The following CUX1 variants were observed in gnomAD, a reference collection of about 807,000 sequenced individuals.
The protein encoded by CUX1 is cut like homeobox 1, also known as protein CASP.
CUX1 carries 31 observed loss-of-function variants against 158.8 expected under a neutral mutation model. The observed-to-expected ratio is 0.20, with a 90% CI of 0.15 to 0.26. CUX1 has a LOEUF of 0.26. Among genes scored for constraint, CUX1 ranks in the 10% least tolerant of loss-of-function variants. The probability of loss-of-function intolerance (pLI) is 1.00; values close to 1 mark genes in which losing one functional copy is unlikely to be tolerated. For missense variants in CUX1, 1,589 were observed against 2,014.6 expected, an observed-to-expected ratio of 0.79 and a Z score of 4.04; for synonymous variants, 879 against 862.1, an observed-to-expected ratio of 1.02 and a Z score of -0.34.
At chr7:101,829,459 C>T (rs1243068184) in intron 1 of CUX1, among the ~76,000 whole-genome samples, 1 of 152,132 alleles carries the variant, frequency 6.6e-6, no homozygotes, top group East Asian at 1.9e-4. Context: ...TATGGAGCTG[C>T]GTACCTGCCA....
intron 4 of CUX1, among the ~76,000 whole-genome samples, chr7:102,072,569 G>A (rs1826250949): frequency 6.6e-6 from 1 of 152,202 alleles, no homozygotes. Flanking sequence ...CTAATCAAAG[G>A]TACTTTCAAT....
At chr7:102,191,290 A>G (rs1794246684) in intron 12 of CUX1, among the ~76,000 whole-genome samples, 1 of 152,086 alleles carries the variant, frequency 6.6e-6, no homozygotes, top group Admixed American at 6.6e-5. Flanking sequence ...CTGGAGTGCA[A>G]TGGTGCTATC....
At chr7:102,041,666 ATT>A (rs1246831975) in intron 3 of CUX1, among the ~76,000 whole-genome samples, 11 of 104,902 alleles carry the variant, frequency 1.0e-4, no homozygotes, top group Non-Finnish European at 9.5e-5. Context: ...CTCCCTTTTG[ATT>A]TTTTTTTTTT....
At chr7:102,197,374 G>A in intron 15 of CUX1, 69 bp downstream of exon 15, 1 of 1,462,280 alleles carries the variant, frequency 6.8e-7, no homozygotes, top group Non-Finnish European at 9.5e-7. Flanking sequence ...GTGTGTGCAT[G>A]CGTGCGTGTG....
At chr7:101,913,268 T>G (rs1803706908) in intron 1 of CUX1, 12 of 754,960 alleles carry the variant, frequency 1.6e-5, no homozygotes, top group Admixed American at 2.7e-5. Context: ...TCTGTTTCTG[T>G]GGTGGCGGGT....
chr7:101,949,292 T>C (rs994043463), intron 2 of CUX1, among the ~76,000 whole-genome samples: 1 of 151,206 alleles, frequency 6.6e-6, no homozygotes, highest in African/African-American at 2.4e-5. Flanking sequence ...CCACCACGCC[T>C]GGCTAATTTT....
chr7:101,832,886 A>G (rs915743794), intron 1 of CUX1, among the ~76,000 whole-genome samples: 2 of 152,032 alleles, frequency 1.3e-5, no homozygotes. Flanking sequence ...TACCAGGAGC[A>G]GCGCCATGGC....
intron 8 of CUX1, among the ~76,000 whole-genome samples, chr7:102,150,385 G>A (rs1835506461): frequency 6.6e-6 from 1 of 152,116 alleles, no homozygotes; most frequent in African/African-American, 2.4e-5. Flanking sequence ...CAAACTCCTG[G>A]TCTCAAGTGA....
intron 23 of CUX1, among the ~76,000 whole-genome samples, chr7:102,242,595 G>T (rs9691744): frequency 0.31 from 47,442 of 152,116 alleles, 7,717 homozygotes; most frequent in Non-Finnish European, 0.35. Context: ...GTGTGATAAC[G>T]CTTTCTATAA....
chr7:101,817,001 G>T (rs1196350192), upstream of CUX1: 7 of 984,324 alleles, frequency 7.1e-6, no homozygotes, highest in Non-Finnish European at 8.4e-6. The surrounding 1 kb of genome is among the most constrained non-coding windows in gnomAD (Gnocchi z 4.1). Flanking sequence ...TTGTGTGCCT[G>T]TGTCGGTGAC....
In CUX1 at chr7:102,076,521, C is replaced by G. The variant is rs80131706; in HGVS notation, c.268+6104C>G. On this transcript the variant is annotated intron_variant, in intron 4 of 23. Coordinates refer to ENST00000292535, the MANE Select transcript of CUX1 (RefSeq NM_181552.4). ...GGTGTTTGTTCTTTTCATTTGCCAC[C>G]AGATCGCTTCTTATTTCTTAGTCAG... is the stretch of plus-strand genomic sequence containing the variant. 1.8e-4 allele frequency among the ~76,000 whole-genome samples: 28 copies of G among 152,220 alleles called. No individual in the cohort carries two copies. In the East Asian group the frequency reaches 5.4e-3, roughly 29 times the overall value.
intron 2 of CUX1, among the ~76,000 whole-genome samples, chr7:101,962,093 C>T (rs2129177108): frequency 6.6e-6 from 1 of 152,130 alleles, no homozygotes; most frequent in South Asian, 2.1e-4. Flanking sequence ...TTTAAACATA[C>T]TCTGCCATGA....
chr7:102,040,297 A>G (rs1423819260), intron 3 of CUX1, among the ~76,000 whole-genome samples: 2 of 152,164 alleles, frequency 1.3e-5, no homozygotes, highest in Non-Finnish European at 2.9e-5. Context: ...ACATCAGAGG[A>G]AAGAAGCAAG....
At chr7:101,835,087 G>A (rs944847908) in intron 1 of CUX1, among the ~76,000 whole-genome samples, 1 of 152,026 alleles carries the variant, frequency 6.6e-6, no homozygotes, top group African/African-American at 2.4e-5. Context: ...CCATCACCAC[G>A]ATCTAGTTCC....
At chr7:102,030,432 C>CT (rs1820605256) in intron 3 of CUX1, among the ~76,000 whole-genome samples, 1 of 151,710 alleles carries the variant, frequency 6.6e-6, no homozygotes, top group Non-Finnish European at 1.5e-5. Flanking sequence ...GAAGCAGGCA[C>CT]TGTGTCCCTC....
At chr7:102,170,110 T>C (rs879957654) in intron 9 of CUX1, among the ~76,000 whole-genome samples, 1 of 152,194 alleles carries the variant, frequency 6.6e-6, no homozygotes, top group Non-Finnish European at 1.5e-5. Flanking sequence ...ATCTTCTTGG[T>C]CTATGAGAAT....
intron 17 of CUX1, among the ~76,000 whole-genome samples, chr7:102,277,119 G>A (rs1586529474): frequency 6.6e-6 from 1 of 151,740 alleles, no homozygotes; most frequent in African/African-American, 2.4e-5. Flanking sequence ...GGGCAACGCA[G>A]TGAGACCCCG....
In CUX1 at chr7:102,201,271, C is replaced by G. The variant is rs533021849; in HGVS notation, c.2063-89C>G. The G allele has an allele frequency of 6.5e-7, 1 of 1,536,894 alleles. No homozygotes were observed. The highest frequency in any genetic ancestry group is 1.2e-5 in the South Asian group (1 of 80,708). ...GTGTGGTTCTCCCAAATAACCCACA[C>G]TTTGCAGTAGGTCAAGTTAGGATGA... is the stretch of plus-strand genomic sequence containing the variant. On this transcript the variant is annotated intron_variant, in intron 17 of 23. Transcript: ENST00000292535. The surrounding 1 kb of genome is among the most constrained non-coding windows in gnomAD (Gnocchi z 5.0).
intron 22 of CUX1, among the ~76,000 whole-genome samples, chr7:102,238,378 G>C (rs1554533611): frequency 1.3e-5 from 2 of 152,194 alleles, no homozygotes; most frequent in African/African-American, 4.8e-5. Context: ...ATAACAGAAG[G>C]CTCGCACTCT....
Sources: gnomAD v4.1 joint callset for allele counts (sites outside exome capture counted in the v4.1 genomes callset) on GRCh38, gnomAD v4.1.1 for gene constraint, Gnocchi (gnomAD v3.1) non-coding constraint, MANE v1.5 for transcripts, NCBI Gene and HGNC (gene_info 2026-07-23, HGNC 2026-07-21) for gene names.